Variants in FHIT observed in about 807,000 individuals in gnomAD.
FHIT encodes the protein fragile histidine triad diadenosine triphosphatase.
FHIT carries 19 observed loss-of-function variants against 17.9 expected under a neutral mutation model. That is an observed-to-expected ratio of 1.06 (90% confidence interval 0.74 to 1.56). The LOEUF is 1.56. FHIT is among the 40% of genes most tolerant of loss of function. The pLI is 0.00. For synonymous variants in FHIT, 81 were observed against 69.7 expected, an observed-to-expected ratio of 1.16 and a Z score of -0.81; for missense variants, 248 against 189.2, an observed-to-expected ratio of 1.31 and a Z score of -1.82.
At chr3:60,810,401 A>G (rs1701538400) in intron 4 of FHIT, among the ~76,000 whole-genome samples, 2 of 152,200 alleles carry the variant, frequency 1.3e-5, no homozygotes, top group Admixed American at 1.3e-4. Context: ...TCTTTCCCAT[A>G]GGAGCGACAC....
intron 3 of FHIT, among the ~76,000 whole-genome samples, chr3:60,974,652 T>C (rs1710161547): frequency 1.3e-5 from 2 of 152,286 alleles, no homozygotes; most frequent in South Asian, 4.1e-4. Context: ...AAAAAGTGTG[T>C]AGCAGCAACC....
intron 1 of FHIT, among the ~76,000 whole-genome samples, chr3:61,243,017 G>A (rs1196007842): frequency 6.6e-6 from 1 of 152,124 alleles, no homozygotes; most frequent in Non-Finnish European, 1.5e-5. Flanking sequence ...TAGTCCTAGG[G>A]GGTTTGGGAA....
intron 4 of FHIT, among the ~76,000 whole-genome samples, chr3:60,581,376 A>AT (rs2037744447): frequency 6.6e-6 from 1 of 152,046 alleles, no homozygotes; most frequent in Non-Finnish European, 1.5e-5. Context: ...GACCTCTATC[A>AT]TATGCTGTCT....
intron 7 of FHIT, among the ~76,000 whole-genome samples, chr3:59,960,616 A>G (rs1468601997): frequency 6.6e-6 from 1 of 152,194 alleles, no homozygotes; most frequent in African/African-American, 2.4e-5. Context: ...TGGGATAGAT[A>G]GAGAAGGGGT....
intron 2 of FHIT, among the ~76,000 whole-genome samples, chr3:61,133,994 A>G (rs1036097490): frequency 2.6e-5 from 4 of 152,070 alleles, no homozygotes; most frequent in African/African-American, 9.7e-5. Flanking sequence ...AGGCTGAGGC[A>G]GGAGAATTGC....
At chr3:60,647,393 G>T (rs1405806666) in intron 4 of FHIT, among the ~76,000 whole-genome samples, 13 of 152,134 alleles carry the variant, frequency 8.5e-5, no homozygotes, top group African/African-American at 4.8e-5. Flanking sequence ...GGGCCTCAGA[G>T]ATAAGGAAAT....
chr3:60,199,759 A>G (rs1325956756), intron 5 of FHIT, among the ~76,000 whole-genome samples: 1 of 152,168 alleles, frequency 6.6e-6, no homozygotes, highest in African/African-American at 2.4e-5. Context: ...ATAAACTCAA[A>G]AGCACTCAAG....
At chr3:60,544,596 A>ATT (rs33965820) in intron 4 of FHIT, among the ~76,000 whole-genome samples, 78,323 of 124,348 alleles carry the variant, frequency 0.63, 25,866 homozygotes, top group Non-Finnish European at 0.69. Flanking sequence ...TTCTCAACCT[A>ATT]TTTTTTTTTT....
intron 3 of FHIT, among the ~76,000 whole-genome samples, chr3:60,950,769 C>T (rs1004677665): frequency 9.2e-5 from 14 of 151,834 alleles, no homozygotes; most frequent in Admixed American, 5.9e-4. Context: ...GTGATCCACC[C>T]GCCTCGGCCT....
At chr3:61,018,788 G>A (rs1347249709) in intron 3 of FHIT, among the ~76,000 whole-genome samples, 2 of 151,870 alleles carry the variant, frequency 1.3e-5, no homozygotes, top group East Asian at 1.9e-4. Flanking sequence ...TCTTGTTTTA[G>A]TTTTGCATTT....
intron 5 of FHIT, among the ~76,000 whole-genome samples, chr3:60,226,621 T>A (rs1357430264): frequency 6.6e-6 from 1 of 151,938 alleles, no homozygotes; most frequent in Non-Finnish European, 1.5e-5. Flanking sequence ...TGGGAACGTG[T>A]CCAGGCTGAA....
intron 2 of FHIT, among the ~76,000 whole-genome samples, chr3:61,200,273 G>C (rs190652337): frequency 6.0e-4 from 91 of 152,280 alleles, no homozygotes; most frequent in African/African-American, 2.1e-3. Context: ...TGGCCAGCTA[G>C]TTTTATTTAA....
chr3:61,213,425 G>A (rs1032688435), intron 1 of FHIT, among the ~76,000 whole-genome samples: 1 of 152,186 alleles, frequency 6.6e-6, no homozygotes, highest in Admixed American at 6.5e-5. Context: ...TTACGTAATG[G>A]TAAAGGGATC....
chr3:61,247,133 G>C lies in FHIT; in HGVS notation c.-213+4168C>G, dbSNP rs73099000. 7.0e-3 allele frequency among the ~76,000 whole-genome samples: 1,066 copies of C among 152,158 alleles called. 7 individuals are homozygous for C. Among genetic ancestry groups the C allele is most frequent in the Non-Finnish European group, 0.011 (742 of 68,004 alleles). On this transcript the variant is annotated intron_variant, in intron 1 of 9. Transcript: ENST00000492590. ...CTCACCAGAGCAGATGCAGTGCCTG[G>C]AACAGAGCTAGGAGCAAGATAAATG...
At chr3:60,828,803 G>C (rs542701901) in intron 3 of FHIT, among the ~76,000 whole-genome samples, 1 of 152,116 alleles carries the variant, frequency 6.6e-6, no homozygotes, top group Non-Finnish European at 1.5e-5. Flanking sequence ...AGTTCAACCC[G>C]GGAGGCAGAG....
intron 5 of FHIT, among the ~76,000 whole-genome samples, chr3:60,252,929 C>G (rs944992345): frequency 5.3e-5 from 8 of 151,882 alleles, no homozygotes; most frequent in African/African-American, 1.9e-4. Flanking sequence ...ACCCAGGAGG[C>G]AGAGCTTGCA....
At chr3:60,094,847 G>A (rs565162923) in intron 5 of FHIT, among the ~76,000 whole-genome samples, 67 of 150,828 alleles carry the variant, frequency 4.4e-4, no homozygotes, top group African/African-American at 1.6e-3. Flanking sequence ...GAGAGAGGGA[G>A]AGAAAAAAAA....
intron 4 of FHIT, among the ~76,000 whole-genome samples, chr3:60,657,183 A>T (rs2040136568): frequency 6.6e-6 from 1 of 152,198 alleles, no homozygotes; most frequent in Admixed American, 6.5e-5. Flanking sequence ...TTAGAAAGAG[A>T]CAAAGTGCTG....
intron 5 of FHIT, among the ~76,000 whole-genome samples, chr3:60,483,133 G>T (rs866961276): frequency 6.6e-6 from 1 of 152,014 alleles, no homozygotes; most frequent in Non-Finnish European, 1.5e-5. Context: ...AACCAGGAAG[G>T]AGTTGAATCC....
Sources: allele counts gnomAD v4.1 joint callset (sites outside exome capture counted in the v4.1 genomes callset), GRCh38; gene constraint gnomAD v4.1.1; transcripts MANE v1.5; gene names NCBI Gene and HGNC (gene_info 2026-07-23, HGNC 2026-07-21).